ELL2: variants seen among roughly 807,000 people sequenced by gnomAD.
The protein encoded by ELL2 is RNA polymerase II elongation factor ELL2.
A neutral mutation model predicts 72.8 loss-of-function variants in ELL2; 21 were observed. The ratio of observed to expected loss-of-function variants is 0.29; its 90% CI spans 0.20 to 0.42. ELL2 has a LOEUF of 0.42. ELL2 is among the 10% of genes least tolerant of loss of function. ELL2 has a pLI of 1.00. For synonymous variants in ELL2, 266 were observed against 283.2 expected (o/e 0.94, Z 0.61); for missense variants, 568 against 772.8 (o/e 0.73, Z 3.14).
intron 5 of ELL2, among the ~76,000 whole-genome samples, chr5:95,904,609 A>G (rs549071419): frequency 3.9e-5 from 6 of 152,366 alleles, no homozygotes; most frequent in Non-Finnish European, 7.3e-5. Context: ...GTAACAAATA[A>G]GCAAATTATC....
Position 95,898,300 on chromosome 5 carries a change from C to T in ELL2, c.1465G>A (p.Asp489Asn). The change falls in exon 8 of 12, where the codon GAT (aspartate) becomes AAT (asparagine). Residue 489 changes from aspartate (D) to asparagine (N), a missense_variant. Transcript: ENST00000237853. ...GCAATTTCCTCTTCTCTCTTAAGAT[C>T]TTCCTCCTTTTCCTCAATAGTCTCA... ...DIETIEEKEE[D>N]LKREEEIAKL... 1 of 1,612,760 alleles carries T rather than the reference C, an allele frequency of 6.2e-7. No individual in the cohort carries two copies. Among genetic ancestry groups the T allele is most frequent in the Non-Finnish European group, 8.5e-7 (1 of 1,179,668 alleles).
chr5:95,915,672 T>C (rs1053820944), intron 3 of ELL2, among the ~76,000 whole-genome samples: 1 of 152,156 alleles, frequency 6.6e-6, no homozygotes, highest in Non-Finnish European at 1.5e-5. Context: ...TAATCTCACC[T>C]GGACTTCCCA....
At chr5:95,937,908 G>A (rs533060696) in intron 2 of ELL2, among the ~76,000 whole-genome samples, 5 of 152,202 alleles carry the variant, frequency 3.3e-5, no homozygotes, top group South Asian at 2.1e-4. Context: ...ATGGCAGTGC[G>A]GGGGATTTAT....
intron 1 of ELL2, among the ~76,000 whole-genome samples, chr5:95,946,008 C>T (rs963266531): frequency 6.6e-6 from 1 of 152,188 alleles, no homozygotes; most frequent in Non-Finnish European, 1.5e-5. Context: ...CTCCCTAACC[C>T]CTCACTGATG....
chr5:95,901,974 C>T (rs1279938175), intron 5 of ELL2, among the ~76,000 whole-genome samples: 1 of 152,196 alleles, frequency 6.6e-6, no homozygotes, highest in Non-Finnish European at 1.5e-5. Context: ...CTGAAATTTT[C>T]CTTTTAATAT....
At chr5:95,957,621 T>G (rs1751668709) in intron 1 of ELL2, among the ~76,000 whole-genome samples, 2 of 152,258 alleles carry the variant, frequency 1.3e-5, no homozygotes, top group Admixed American at 1.3e-4. Flanking sequence ...ACAAGATATT[T>G]ACTCCAACTA....
rs143114839 is a variant in ELL2 at position 95,955,565 on chromosome 5, C to T, written c.147+6010G>A. ...AAAAAAAGACAGAGATAGCAATCCTCGCTGGTAACCTGACCCGAGTTATGC... is the reference window on the plus strand; with the variant it reads ...AAAAAAAGACAGAGATAGCAATCCTTGCTGGTAACCTGACCCGAGTTATGC... On this transcript the variant is annotated intron_variant, in intron 1 of 11. Transcript: ENST00000237853. 3.8e-3 allele frequency among the ~76,000 whole-genome samples: 586 copies of T among 152,270 alleles called. 5 individuals carry two copies. Among genetic ancestry groups the T allele is most frequent in the African/African-American group, 0.013 (554 of 41,550 alleles).
chr5:95,898,175 T>C, intron 8 of ELL2, 65 bp downstream of exon 8: 1 of 1,296,124 alleles, frequency 7.7e-7, no homozygotes, highest in Non-Finnish European at 1.1e-6. Flanking sequence ...AAATTACTAA[T>C]TATAAACTGT....
At chr5:95,890,830 C>A in intron 10 of ELL2, 1 of 437,134 alleles carries the variant, frequency 2.3e-6, no homozygotes, top group African/African-American at 2.0e-5. Flanking sequence ...CAAGATCCAA[C>A]TTTTTTTCCT....
chr5:95,959,829 A>T (rs1751748239), intron 1 of ELL2, among the ~76,000 whole-genome samples: 2 of 152,194 alleles, frequency 1.3e-5, no homozygotes, highest in South Asian at 4.1e-4. Flanking sequence ...TAGCACGTAC[A>T]TTCATGTGTC....
In ELL2 at chr5:95,902,117, C is replaced by T. The variant is rs541577999; in HGVS notation, c.742-1037G>A. On this transcript the variant is annotated intron_variant, in intron 5 of 11. Transcript: ENST00000237853. ...ATTACTTTTGAGTCACAATAAAAAT[C>T]CTTGATCACTTGTATTAAGTAGAAA... Among the ~76,000 whole-genome samples the T allele has an allele frequency of 8.9e-4, 136 of 152,318 alleles. 2 individuals carry two copies. In the South Asian group the frequency reaches 0.028, roughly 31 times the overall value.
At chr5:95,939,398 G>A (rs1203717735) in intron 2 of ELL2, among the ~76,000 whole-genome samples, 1 of 152,204 alleles carries the variant, frequency 6.6e-6, no homozygotes, top group Non-Finnish European at 1.5e-5. Flanking sequence ...TACATAACAA[G>A]CACTTGGCAC....
At chr5:95,907,048 A>G (rs1749388454) in intron 4 of ELL2, among the ~76,000 whole-genome samples, 1 of 152,126 alleles carries the variant, frequency 6.6e-6, no homozygotes, top group Non-Finnish European at 1.5e-5. Context: ...CTACAGAAAG[A>G]TAATAACTAG....
Position 95,891,153 on chromosome 5 carries a change from T to C in ELL2, c.1711A>G (p.Lys571Glu). Residue 571 changes from lysine (K) to glutamate (E), a missense_variant, in exon 10 of 12, where the codon AAA becomes GAA. Physicochemically the swap from Lys to Glu is moderately conservative, Grantham distance 56 (BLOSUM62 1). Around this residue, in one of 2 missense-constraint regions of ELL2, gnomAD observed 511 missense variants for 728.4 expected, o/e 0.70. Coordinates refer to ENST00000237853, the MANE Select transcript of ELL2 (RefSeq NM_012081.6). ...RMETVARRFIKLDAQRKRLSP... is the reference protein window; with the variant it reads ...RMETVARRFIELDAQRKRLSP... ...AGGCGCTTTCTTTGTGCATCTAGTT[T>C]GATAAATCTTCTAGCTACAGTCTCC... is the stretch of plus-strand genomic sequence containing the variant. 1 of 1,614,208 alleles carries C rather than the reference T, an allele frequency of 6.2e-7. No individual in the cohort carries two copies. The highest frequency in any genetic ancestry group is 1.7e-5 in the Admixed American group (1 of 60,028).
At chr5:95,934,711 C>T (rs1750713926) in intron 2 of ELL2, among the ~76,000 whole-genome samples, 1 of 152,212 alleles carries the variant, frequency 6.6e-6, no homozygotes, top group Non-Finnish European at 1.5e-5. Context: ...GATAACAAGA[C>T]CTGCCTTCTC....
intron 5 of ELL2, among the ~76,000 whole-genome samples, chr5:95,904,087 G>T (rs1326935482): frequency 6.6e-6 from 1 of 151,016 alleles, no homozygotes; most frequent in Non-Finnish European, 1.5e-5. Flanking sequence ...TCTAAATGCA[G>T]TCTAAAATGC....
At chr5:95,907,359 C>T (rs1749416282) in intron 4 of ELL2, among the ~76,000 whole-genome samples, 1 of 144,060 alleles carries the variant, frequency 6.9e-6, no homozygotes, top group Non-Finnish European at 1.5e-5. Flanking sequence ...ACCAACCAAC[C>T]AACCAACCAG....
intron 2 of ELL2, among the ~76,000 whole-genome samples, chr5:95,929,242 A>C (rs888007566): frequency 2.0e-5 from 3 of 150,784 alleles, no homozygotes; most frequent in African/African-American, 7.4e-5. Flanking sequence ...CTTTGGAGGC[A>C]AGGACCATGG....
At chr5:95,952,784 T>C (rs1751467696) in intron 1 of ELL2, among the ~76,000 whole-genome samples, 1 of 152,208 alleles carries the variant, frequency 6.6e-6, no homozygotes, top group Admixed American at 6.5e-5. Context: ...GAGTCATTAA[T>C]GTATAGATGA....
Sources: allele counts gnomAD v4.1 joint callset (sites outside exome capture counted in the v4.1 genomes callset), GRCh38; gene constraint gnomAD v4.1.1; regional missense constraint gnomAD v4.1.1; transcripts MANE v1.5; gene names NCBI Gene and HGNC (gene_info 2026-07-23, HGNC 2026-07-21).